Variants in IL6ST observed in about 807,000 individuals in gnomAD.
IL6ST encodes the protein interleukin-6 receptor subunit beta.
Under a neutral mutation model 91.3 loss-of-function variants are expected in IL6ST, and 24 were observed. That is an observed-to-expected ratio of 0.26 (90% CI 0.19 to 0.37). The LOEUF is 0.37. Ranked by LOEUF, IL6ST falls within the 10% of genes least tolerant of loss-of-function variation. IL6ST has a pLI of 1.00. For synonymous variants in IL6ST, 351 were observed against 373.6 expected (o/e 0.94, Z 0.70); for missense variants, 914 against 1,078.5 (o/e 0.85, Z 2.14).
intron 8 of IL6ST, among the ~76,000 whole-genome samples, chr5:55,957,557 G>A (rs1279754692): frequency 6.6e-6 from 1 of 152,100 alleles, no homozygotes; most frequent in Non-Finnish European, 1.5e-5. Context: ...CAACTAAAGA[G>A]GCATCACTCT....
intron 4 of IL6ST, among the ~76,000 whole-genome samples, chr5:55,969,114 G>C (rs775573060): frequency 6.6e-6 from 1 of 151,256 alleles, no homozygotes; most frequent in Non-Finnish European, 1.5e-5. Flanking sequence ...AGGATTGCTT[G>C]AACCCGGGAG....
rs1442416783 is a variant in IL6ST at position 55,954,981 on chromosome 5, C to G, written c.1279G>C (p.Val427Leu). ...TTGGGGAATGCTTTAAGATCCATTA[C>G]AGGGTGAGTAGCTTTAAAACAAAGT... ...PACDFQATHP[V>L]MDLKAFPKDN... is the part of the protein sequence containing the mutation. The change falls in exon 11 of 17, where the codon GTA becomes CTA. Residue 427 changes from valine (V) to leucine (L), a missense_variant. Val to Leu is a conservative substitution (Grantham distance 32, BLOSUM62 1). Transcript: ENST00000381298. 1 of 1,598,562 alleles carries G rather than the reference C, an allele frequency of 6.3e-7. No individual in the cohort carries two copies.
At chr5:55,973,283 T>C (rs1753070777) in intron 3 of IL6ST, among the ~76,000 whole-genome samples, 1 of 152,210 alleles carries the variant, frequency 6.6e-6, no homozygotes, top group Non-Finnish European at 1.5e-5. Context: ...TCTTACGATG[T>C]CACGCATACT....
At chr5:55,980,655 T>C (rs955715433) in intron 2 of IL6ST, among the ~76,000 whole-genome samples, 1 of 152,172 alleles carries the variant, frequency 6.6e-6, no homozygotes. Flanking sequence ...CATCACACAA[T>C]ATACTCATGT....
At chr5:55,958,955 T>G (rs928607073) in intron 8 of IL6ST, among the ~76,000 whole-genome samples, 2 of 151,874 alleles carry the variant, frequency 1.3e-5, no homozygotes, top group East Asian at 3.9e-4. Context: ...AAAAGGCTGC[T>G]GGTACAGAAG....
chr5:55,982,601 C>T (rs1254269833), intron 2 of IL6ST, 123 bp downstream of exon 2: 1 of 391,998 alleles, frequency 2.6e-6, no homozygotes, highest in African/African-American at 2.1e-5. Context: ...AAAATGTTGT[C>T]ACATAAATTA....
chr5:55,937,920 G>A lies in IL6ST; in HGVS notation c.*3162C>T, dbSNP rs1264762403. 9 of 197,832 alleles carry A rather than the reference G, an allele frequency of 4.5e-5. No homozygotes were observed. Among genetic ancestry groups the A allele is most frequent in the Admixed American group, 2.4e-4 (4 of 16,552 alleles). The allele number at this position is 197,832 out of a possible 1,614,324, so 12.3% of individuals were successfully genotyped here. A position where few individuals can be genotyped will look rare whatever the true frequency, so the allele number is the denominator to read the frequency against. On this transcript the variant is annotated 3_prime_UTR_variant, in exon 17 of 17. Transcript: ENST00000381298. Reference sequence around the variant, plus strand: ...TGAAGGAAGATCTCTCCTGCTTGATGTACTTGGTCAATATATGTTAGTAAA... The same window carrying A: ...TGAAGGAAGATCTCTCCTGCTTGATATACTTGGTCAATATATGTTAGTAAA...
intron 7 of IL6ST, 122 bp downstream of exon 7, chr5:55,963,230 G>A: frequency 1.5e-6 from 1 of 681,520 alleles, no homozygotes; most frequent in South Asian, 2.2e-5. Context: ...CCCAGAAGAG[G>A]TTATCAAGCA....
intron 4 of IL6ST, 77 bp downstream of exon 4, chr5:55,969,473 A>G (rs1038910777): frequency 5.2e-6 from 5 of 966,716 alleles, no homozygotes; most frequent in Non-Finnish European, 7.7e-6. Flanking sequence ...TACATTTTAT[A>G]AAGATGAAAG....
rs151259574 is a variant in IL6ST at position 55,954,725 on chromosome 5, G to A, written c.1450+85C>T. Reference sequence around the variant, plus strand: ...ATGATAAATTGGAAGTCGTTTCAACGGACCAAAACACTATAAGCAAAAGAA... The same window carrying A: ...ATGATAAATTGGAAGTCGTTTCAACAGACCAAAACACTATAAGCAAAAGAA... On this transcript the variant is annotated intron_variant, in intron 11 of 16. Transcript: ENST00000381298. 144 of 1,014,436 alleles carry A rather than the reference G, an allele frequency of 1.4e-4. 1 individual carries two copies. The highest frequency in any genetic ancestry group is 1.0e-3 in the South Asian group (58 of 57,114). The allele number at this position is 1,014,436 out of a possible 1,614,324, so 62.8% of individuals were successfully genotyped here.
At chr5:55,984,007 A>ATT (rs35768498) in intron 1 of IL6ST, among the ~76,000 whole-genome samples, 3,694 of 146,486 alleles carry the variant, frequency 0.025, 176 homozygotes, top group African/African-American at 0.087. Flanking sequence ...CCCTTTACTG[A>ATT]TTTTTTTTTT....
intron 13 of IL6ST, 34 bp from the exon 14 acceptor site, chr5:55,951,638 A>G (rs768249865): frequency 6.3e-7 from 1 of 1,584,564 alleles, no homozygotes; most frequent in African/African-American, 1.4e-5. Context: ...TCATTCAACT[A>G]TTCAATGCTT....
intron 7 of IL6ST, among the ~76,000 whole-genome samples, chr5:55,961,982 T>C (rs1752347868): frequency 6.6e-6 from 1 of 152,154 alleles, no homozygotes; most frequent in African/African-American, 2.4e-5. Flanking sequence ...AAAAGGAAGA[T>C]ATCCAGCCCA....
chr5:55,940,255 A>G lies in IL6ST; in HGVS notation c.*827T>C, dbSNP rs1338937238. 1 of 211,598 alleles carries G rather than the reference A, an allele frequency of 4.7e-6. No individual in the cohort carries two copies. Among genetic ancestry groups the G allele is most frequent in the Non-Finnish European group, 9.6e-6 (1 of 104,434 alleles). 13.1% of individuals were successfully genotyped at this position (211,598 alleles called of 1,614,324 possible). On this transcript the variant is annotated 3_prime_UTR_variant, in exon 17 of 17. Coordinates refer to ENST00000381298, the MANE Select transcript of IL6ST (RefSeq NM_002184.4). Reference sequence around the variant, plus strand: ...ACTTCCTGTTTTCCCCTTTACTACTACAATTTAAGCCTTTAAAAATGGCAA... The same window carrying G: ...ACTTCCTGTTTTCCCCTTTACTACTGCAATTTAAGCCTTTAAAAATGGCAA...
At position 55,940,867 on chromosome 5, in the gene IL6ST, C is replaced by CT. The variant is rs1359828362; in HGVS notation, c.*214dup. The CT allele has an allele frequency of 2.0e-6, 1 of 493,724 alleles. No individual in the cohort carries two copies. The highest frequency in any genetic ancestry group is 3.6e-6 in the Non-Finnish European group (1 of 280,046). 30.6% of individuals were successfully genotyped at this position (493,724 alleles called of 1,614,324 possible). ...AACAGCACAAAATCATTCAGCTAGTCTGAGGATAAAGTCAGTTTATGTAGT... is the reference window on the plus strand; with the variant it reads ...AACAGCACAAAATCATTCAGCTAGTCTTGAGGATAAAGTCAGTTTATGTAGT... On this transcript the variant is annotated 3_prime_UTR_variant, in exon 17 of 17. Transcript: ENST00000381298.
chr5:55,986,599 C>G (rs1055573136), intron 1 of IL6ST, among the ~76,000 whole-genome samples: 2 of 152,158 alleles, frequency 1.3e-5, no homozygotes, highest in African/African-American at 4.8e-5. Flanking sequence ...AAGCTATCAG[C>G]TTCATATTTG....
intron 2 of IL6ST, among the ~76,000 whole-genome samples, chr5:55,981,658 A>T (rs1001895343): frequency 6.6e-6 from 1 of 152,166 alleles, no homozygotes; most frequent in Non-Finnish European, 1.5e-5. Flanking sequence ...AATAAAAAAA[A>T]AAATTGACAG....
intron 5 of IL6ST, among the ~76,000 whole-genome samples, chr5:55,967,217 G>T (rs1195234667): frequency 6.8e-6 from 1 of 146,202 alleles, no homozygotes; most frequent in Non-Finnish European, 1.5e-5. Flanking sequence ...GGCTGAGGCA[G>T]GAGAATTGCT....
chr5:55,974,235 A>G (rs1753138120), intron 3 of IL6ST, among the ~76,000 whole-genome samples: 1 of 152,230 alleles, frequency 6.6e-6, no homozygotes, highest in Non-Finnish European at 1.5e-5. Context: ...AAAGACAACA[A>G]TAACCTTTAT....
Sources: gnomAD v4.1 joint callset for allele counts (sites outside exome capture counted in the v4.1 genomes callset) on GRCh38, gnomAD v4.1.1 for gene constraint, MANE v1.5 for transcripts, NCBI Gene and HGNC (gene_info 2026-07-23, HGNC 2026-07-21) for gene names.